The following GRHL3 variants were observed in gnomAD, a reference collection of about 807,000 sequenced individuals.
GRHL3 encodes grainyhead like transcription factor 3.
A neutral mutation model predicts 70.3 loss-of-function variants in GRHL3; 20 were observed. The ratio of observed to expected loss-of-function variants is 0.28; its 90% CI spans 0.20 to 0.41. The LOEUF (loss-of-function observed/expected upper bound fraction) is 0.41. Among genes scored for constraint, GRHL3 ranks in the 10% least tolerant of loss-of-function variants. GRHL3 has a pLI of 1.00. For synonymous variants in GRHL3, 299 were observed against 299.9 expected, an observed-to-expected ratio of 1.00 and a Z score of 0.03; for missense variants, 637 against 762.3, an observed-to-expected ratio of 0.84 and a Z score of 1.94.
intron 15 of GRHL3, chr1:24,361,165 G>C: frequency 1.2e-6 from 1 of 813,452 alleles, no homozygotes; most frequent in East Asian, 2.8e-5. Flanking sequence ...CACGGCACTG[G>C]GGCAGAGCCC....
intron 15 of GRHL3, 111 bp from the exon 16 acceptor site, chr1:24,354,263 A>G: frequency 1.5e-6 from 1 of 688,338 alleles, no homozygotes; most frequent in Non-Finnish European, 2.6e-6. Flanking sequence ...TGAGGTGCCT[A>G]AAATGTGGCA....
intron 15 of GRHL3, among the ~76,000 whole-genome samples, chr1:24,350,915 A>T (rs1640479716): frequency 6.6e-6 from 1 of 152,182 alleles, no homozygotes; most frequent in Non-Finnish European, 1.5e-5. Context: ...GTCACATGGT[A>T]ACTGTCCTCC....
In GRHL3 at chr1:24,346,536, C is replaced by T; in HGVS notation, c.1455-17C>T. ...TCCCCAAGTTTCTCACAAGCTCCCC[C>T]ACTGCCATCCCCACAGGCTGCCTCT... On this transcript the variant is annotated splice_polypyrimidine_tract_variant and intron_variant, in intron 12 of 15. Transcript: ENST00000361548. 1 of 1,591,902 alleles carries T rather than the reference C, an allele frequency of 6.3e-7. No individual in the cohort carries two copies. Among genetic ancestry groups the T allele is most frequent in the Non-Finnish European group, 8.6e-7 (1 of 1,160,778 alleles).
Sources: gnomAD v4.1 joint callset for allele counts (sites outside exome capture counted in the v4.1 genomes callset) on GRCh38, gnomAD v4.1.1 for gene constraint, MANE v1.5 for transcripts, NCBI Gene and HGNC (gene_info 2026-07-23, HGNC 2026-07-21) for gene names.